The following KLHDC1 variants were observed in gnomAD, a reference collection of about 807,000 sequenced individuals.
KLHDC1 encodes kelch domain containing 1, also known as kelch domain-containing protein 1.
A neutral mutation model predicts 68.3 loss-of-function variants in KLHDC1; 53 were observed. The observed-to-expected ratio is 0.78, with a 90% confidence interval of 0.62 to 0.98. KLHDC1 has a LOEUF of 0.98. KLHDC1 is among the 50% of genes least tolerant of loss of function. KLHDC1 has a pLI of 0.00. For missense variants in KLHDC1, 470 were observed against 492.3 expected, an observed-to-expected ratio of 0.95 and a Z score of 0.43; for synonymous variants, 148 against 159.0, an observed-to-expected ratio of 0.93 and a Z score of 0.52.
At chr14:49,733,254 G>A (rs1253053538) in intron 9 of KLHDC1, among the ~76,000 whole-genome samples, 2 of 152,052 alleles carry the variant, frequency 1.3e-5, no homozygotes, top group African/African-American at 2.4e-5. Flanking sequence ...AGCTGTAGAG[G>A]AAAGTGTTTA....
At chr14:49,750,405 C>T (rs1055685428) in intron 12 of KLHDC1, among the ~76,000 whole-genome samples, 1 of 152,146 alleles carries the variant, frequency 6.6e-6, no homozygotes, top group Non-Finnish European at 1.5e-5. Context: ...GAGAGTTTCC[C>T]CTGGCTTGCT....
At chr14:49,705,178 G>A (rs531868629) in intron 1 of KLHDC1, among the ~76,000 whole-genome samples, 1 of 152,162 alleles carries the variant, frequency 6.6e-6, no homozygotes, top group East Asian at 1.9e-4. Flanking sequence ...ATCATAGCAA[G>A]GAACTAGGAG....
intron 4 of KLHDC1, among the ~76,000 whole-genome samples, chr14:49,713,196 C>T (rs10132801): frequency 0.89 from 135,136 of 151,114 alleles, 62,334 homozygotes; most frequent in Non-Finnish European, 1. Flanking sequence ...CCTCGTGATC[C>T]GCCCGCCTCA....
chr14:49,721,788 G>A (rs1333482726), intron 4 of KLHDC1, among the ~76,000 whole-genome samples: 21 of 152,018 alleles, frequency 1.4e-4, no homozygotes, highest in Admixed American at 1.4e-3. Flanking sequence ...TAGTCCAGTT[G>A]GTAGGTCATT....
At chr14:49,699,999 A>G (rs1002959632) in intron 1 of KLHDC1, 8 of 349,200 alleles carry the variant, frequency 2.3e-5, no homozygotes, top group Admixed American at 4.1e-5. Flanking sequence ...TTATTTCTGT[A>G]ATACAATTGA....
intron 6 of KLHDC1, among the ~76,000 whole-genome samples, chr14:49,727,246 G>A (rs573153332): frequency 7.8e-4 from 118 of 151,244 alleles, no homozygotes; most frequent in African/African-American, 2.7e-3. Context: ...ATGAGACTCC[G>A]TCTGTACCAA....
intron 1 of KLHDC1, among the ~76,000 whole-genome samples, chr14:49,703,470 G>A (rs779443079): frequency 4.0e-5 from 6 of 151,696 alleles, no homozygotes; most frequent in Non-Finnish European, 8.8e-5. Flanking sequence ...AGCCTCCCAA[G>A]TAGCTGGGAT....
chr14:49,709,271 A>G (rs1594654775), intron 2 of KLHDC1, 42 bp downstream of exon 2: 2 of 831,252 alleles, frequency 2.4e-6, no homozygotes, highest in African/African-American at 1.8e-5. Context: ...CTTAATATCT[A>G]TTATAAATGT....
chr14:49,705,370 T>TTTTTTTTTTTTTTTTC (rs1888023008), intron 1 of KLHDC1, among the ~76,000 whole-genome samples: 1 of 107,496 alleles, frequency 9.3e-6, no homozygotes, highest in African/African-American at 3.3e-5. Flanking sequence ...TCTTTCTTTT[T>TTTTTTTTTTTTTTTTC]TTTTTTTTTT....
intron 1 of KLHDC1, among the ~76,000 whole-genome samples, chr14:49,698,672 C>T (rs959583131): frequency 1.3e-5 from 2 of 151,800 alleles, no homozygotes; most frequent in Non-Finnish European, 2.9e-5. Context: ...CATGCCACCA[C>T]GCCCAGCTAG....
At position 49,708,890 on chromosome 14, in the gene KLHDC1, C is replaced by T. The variant is rs183067568; in HGVS notation, c.97-269C>T. ...TTTTGCTATTTTCTTTTACATAAAG[C>T]CCCTTTTAAAGGTTTAATTGCCCTA... On this transcript the variant is annotated intron_variant, in intron 1 of 12. Transcript: ENST00000359332. 208 of 205,434 alleles carry T rather than the reference C, an allele frequency of 1.0e-3. 1 individual carries two copies. Among genetic ancestry groups the T allele is most frequent in the Admixed American group, 1.5e-3 (25 of 16,650 alleles). 12.7% of individuals were successfully genotyped at this position (205,434 alleles called of 1,614,324 possible).
intron 8 of KLHDC1, among the ~76,000 whole-genome samples, chr14:49,730,799 C>A (rs1888788087): frequency 6.6e-6 from 1 of 150,994 alleles, no homozygotes; most frequent in Admixed American, 6.6e-5. Flanking sequence ...ATGGTGAAAC[C>A]CCAGCTCTAC....
chr14:49,702,168 CAAAAA>C (rs56298211), intron 1 of KLHDC1, among the ~76,000 whole-genome samples: 1 of 70,936 alleles, frequency 1.4e-5, no homozygotes. Context: ...AATTCTGTCT[CAAAAA>C]AAAAAAAAAA....
intron 1 of KLHDC1, among the ~76,000 whole-genome samples, chr14:49,705,095 C>G (rs1308853985): frequency 6.6e-6 from 1 of 151,708 alleles, no homozygotes; most frequent in East Asian, 1.9e-4. Context: ...TAAGCTGATT[C>G]CCAAAAAAGG....
chr14:49,739,632 A>G (rs1411678196), intron 10 of KLHDC1, among the ~76,000 whole-genome samples: 1 of 152,170 alleles, frequency 6.6e-6, no homozygotes, highest in African/African-American at 2.4e-5. Context: ...GTAATAAGAA[A>G]ACTGGGGAAA....
In KLHDC1 at chr14:49,693,383, GGCCCAGGCCTGGCGCGCCCGGCGCCTGCA is replaced by G. The variant is rs1467569289; in HGVS notation, c.96+98_96+126del. The G allele has an allele frequency of 2.1e-5, 20 of 951,638 alleles. No homozygotes were observed. In the African/African-American group the frequency reaches 3.5e-4, roughly 17 times the overall value. 58.9% of individuals were successfully genotyped at this position (951,638 alleles called of 1,614,324 possible). The stretch of plus-strand genomic sequence containing the variant: ...CCGCCACACCCGCTCCCGAGGCTGC[GGCCCAGGCCTGGCGCGCCCGGCGCCTGCA>G]GCCCCCCAGCCCCTCCGCTGGCCGC... On this transcript the variant is annotated intron_variant, in intron 1 of 12. Coordinates refer to ENST00000359332, the MANE Select transcript of KLHDC1 (RefSeq NM_172193.3).
chr14:49,729,205 TGAG>T (rs1888743509), intron 7 of KLHDC1, among the ~76,000 whole-genome samples, 196 bp downstream of exon 7: 1 of 152,206 alleles, frequency 6.6e-6, no homozygotes, highest in African/African-American at 2.4e-5. Flanking sequence ...CATATTTTAA[TGAG>T]GAGAATCTTT....
At chr14:49,745,866 A>G (rs1246828491) in intron 12 of KLHDC1, among the ~76,000 whole-genome samples, 2 of 152,234 alleles carry the variant, frequency 1.3e-5, no homozygotes, top group Non-Finnish European at 2.9e-5. Flanking sequence ...AAAGAGATCA[A>G]GAGCCATTGA....
At chr14:49,739,402 G>GCTA (rs1889006583) in intron 10 of KLHDC1, among the ~76,000 whole-genome samples, 1 of 152,292 alleles carries the variant, frequency 6.6e-6, no homozygotes, top group East Asian at 1.9e-4. Context: ...AAATTTCCAT[G>GCTA]GTTAGAGGCA....
Sources: gnomAD v4.1 joint callset for allele counts (sites outside exome capture counted in the v4.1 genomes callset) on GRCh38, gnomAD v4.1.1 for gene constraint, MANE v1.5 for transcripts, NCBI Gene and HGNC (gene_info 2026-07-23, HGNC 2026-07-21) for gene names.